The following IL1RAPL2 variants were observed in gnomAD, a reference collection of about 807,000 sequenced individuals.
IL1RAPL2 encodes interleukin 1 receptor accessory protein like 2, also known as X-linked interleukin-1 receptor accessory protein-like 2.
A neutral mutation model predicts 44.1 loss-of-function variants in IL1RAPL2; 3 were observed. That is an observed-to-expected ratio of 0.07 (90% confidence interval 0.03 to 0.18). IL1RAPL2 has a LOEUF of 0.18. Ranked by LOEUF, IL1RAPL2 falls within the 10% of genes least tolerant of loss-of-function variation. IL1RAPL2 has a pLI of 1.00. For missense variants in IL1RAPL2, 391 were observed against 496.4 expected (o/e 0.79, Z 2.02); for synonymous variants, 181 against 178.8 (o/e 1.01, Z -0.10).
At chrX:104,692,793 C>T (rs992600750) in intron 2 of IL1RAPL2, among the ~76,000 whole-genome samples, 57 of 111,512 alleles carry the variant, frequency 5.1e-4, no homozygotes, top group African/African-American at 1.7e-3. Flanking sequence ...TGAATAGTGC[C>T]GCTATAAACA....
intron 2 of IL1RAPL2, among the ~76,000 whole-genome samples, chrX:104,925,075 A>G (rs1007298851): frequency 1.8e-5 from 2 of 109,852 alleles, no homozygotes; most frequent in Admixed American, 9.7e-5. Flanking sequence ...GAATATCTCT[A>G]TGTGCACAAA....
chrX:105,290,264 G>GA (rs2034602800), intron 5 of IL1RAPL2, among the ~76,000 whole-genome samples: 1 of 111,430 alleles, frequency 9.0e-6, no homozygotes, highest in Non-Finnish European at 1.9e-5. Context: ...GCCTTTAGGG[G>GA]ATCCATGGTC....
At chrX:105,422,965 G>A (rs1348277351) in intron 5 of IL1RAPL2, among the ~76,000 whole-genome samples, 1 of 110,883 alleles carries the variant, frequency 9.0e-6, no homozygotes, top group African/African-American at 3.3e-5. Context: ...AAGTTTTAGG[G>A]CAGCCAGAGT....
intron 2 of IL1RAPL2, among the ~76,000 whole-genome samples, chrX:104,937,680 A>G (rs1238120243): frequency 8.9e-6 from 1 of 112,162 alleles, no homozygotes; most frequent in Admixed American, 9.5e-5. Flanking sequence ...TGCAGTCACA[A>G]TAAGTTATAA....
At chrX:105,410,434 A>T (rs1431210713) in intron 5 of IL1RAPL2, among the ~76,000 whole-genome samples, 1 of 109,792 alleles carries the variant, frequency 9.1e-6, no homozygotes, top group African/African-American at 3.3e-5. Context: ...GATAATGAGG[A>T]TGAGAGCTGA....
intron 2 of IL1RAPL2, among the ~76,000 whole-genome samples, chrX:104,716,121 A>T (rs1246595497): frequency 9.0e-6 from 1 of 111,454 alleles, no homozygotes; most frequent in Non-Finnish European, 1.9e-5. Flanking sequence ...AGAACCCAGA[A>T]ATAAGACCAC....
chrX:105,076,494 TG>T (rs1340410403), intron 2 of IL1RAPL2, among the ~76,000 whole-genome samples: 1 of 111,638 alleles, frequency 9.0e-6, no homozygotes, highest in Non-Finnish European at 1.9e-5. Context: ...AGGTGTGGTG[TG>T]GTGCTGAAAA....
chrX:105,153,420 A>G (rs1476305193), intron 2 of IL1RAPL2, among the ~76,000 whole-genome samples: 4 of 112,143 alleles, frequency 3.6e-5, no homozygotes, highest in African/African-American at 6.5e-5. Flanking sequence ...ACAGGTTCAA[A>G]GTGGCAGACC....
intron 1 of IL1RAPL2, among the ~76,000 whole-genome samples, chrX:104,582,768 T>TTTC (rs1569487633): frequency 3.1e-5 from 3 of 98,148 alleles, no homozygotes; most frequent in African/African-American, 1.2e-4. Context: ...TTCTTTCTTT[T>TTTC]TTCTTTCTCT....
At chrX:105,583,771 T>C (rs146202754) in intron 6 of IL1RAPL2, among the ~76,000 whole-genome samples, 1,474 of 112,220 alleles carry the variant, frequency 0.013, 30 homozygotes, top group African/African-American at 0.045. Context: ...TCTCTCATTC[T>C]TTGTTCTTAC....
rs190420527 is a variant in IL1RAPL2, at chrX:105,476,307, A to G, written c.698-8006A>G. Among the ~76,000 whole-genome samples the G allele has an allele frequency of 4.9e-4, 55 of 112,771 alleles. No individual in the cohort carries two copies. In the South Asian group the frequency reaches 6.6e-3, roughly 13 times the overall value. The stretch of plus-strand genomic sequence containing the variant: ...TGTGTTTGACTCTCAGCAGTTCTCA[A>G]TAATTTTATCTTCCAAATATACATG... On this transcript the variant is annotated intron_variant, in intron 5 of 10. Coordinates refer to ENST00000372582, the MANE Select transcript of IL1RAPL2 (RefSeq NM_017416.2).
intron 2 of IL1RAPL2, among the ~76,000 whole-genome samples, chrX:104,784,293 T>C (rs1232212552): frequency 8.9e-6 from 1 of 112,023 alleles, no homozygotes; most frequent in Non-Finnish European, 1.9e-5. Flanking sequence ...ATTGGCTGAG[T>C]TTGTCTCTGG....
intron 6 of IL1RAPL2, among the ~76,000 whole-genome samples, chrX:105,512,489 TTACC>T (rs1188349373): frequency 9.8e-5 from 11 of 111,856 alleles, no homozygotes; most frequent in African/African-American, 3.6e-4. Flanking sequence ...ATTAGAATGA[TTACC>T]TAAATTGTCT....
chrX:104,651,344 G>A (rs1274675390), intron 1 of IL1RAPL2, among the ~76,000 whole-genome samples: 3 of 111,614 alleles, frequency 2.7e-5, no homozygotes, highest in East Asian at 2.8e-4. Flanking sequence ...AAATATTTCT[G>A]CATCAGTTAT....
At chrX:105,044,536 C>T (rs1211114597) in intron 2 of IL1RAPL2, among the ~76,000 whole-genome samples, 4 of 111,166 alleles carry the variant, frequency 3.6e-5, no homozygotes, top group Admixed American at 1.9e-4. Flanking sequence ...TAAGCCTAAG[C>T]CTGAAGAGGA....
chrX:104,952,217 A>C (rs905822479), intron 2 of IL1RAPL2, among the ~76,000 whole-genome samples: 2 of 112,293 alleles, frequency 1.8e-5, no homozygotes, highest in Non-Finnish European at 3.8e-5. Flanking sequence ...TAACATTTTT[A>C]GAGTGAGATC....
chrX:104,915,361 C>T (rs746709762), intron 2 of IL1RAPL2, among the ~76,000 whole-genome samples: 90 of 110,730 alleles, frequency 8.1e-4, no homozygotes, highest in African/African-American at 2.8e-3. Flanking sequence ...GCATAAATGT[C>T]TTCTTTTGAG....
chrX:104,595,911 CT>C (rs1928754979), intron 1 of IL1RAPL2, among the ~76,000 whole-genome samples: 1 of 69,409 alleles, frequency 1.4e-5, no homozygotes, highest in Non-Finnish European at 2.5e-5. Flanking sequence ...GCCCAGGAAC[CT>C]TTTTTATTTT....
intron 6 of IL1RAPL2, among the ~76,000 whole-genome samples, chrX:105,625,847 G>T (rs2037449447): frequency 9.0e-6 from 1 of 111,341 alleles, no homozygotes; most frequent in Non-Finnish European, 1.9e-5. Context: ...TCAAACAGCA[G>T]TTCAGGCTTT....
Sources: gnomAD v4.1 joint callset for allele counts (sites outside exome capture counted in the v4.1 genomes callset) on GRCh38, gnomAD v4.1.1 for gene constraint, MANE v1.5 for transcripts, NCBI Gene and HGNC (gene_info 2026-07-23, HGNC 2026-07-21) for gene names.